Variants in SEC14L1 observed in about 807,000 individuals in gnomAD.
The protein encoded by SEC14L1 is SEC14 like lipid binding 1, also known as SEC14-like protein 1.
Under a neutral mutation model 85.3 loss-of-function variants are expected in SEC14L1, and 48 were observed. That is an observed-to-expected ratio of 0.56 (90% CI 0.45 to 0.72). The LOEUF is 0.72. Among genes scored for constraint, SEC14L1 ranks in the 30% least tolerant of loss-of-function variants. The probability of loss-of-function intolerance (pLI) is 0.00; values close to 1 mark genes in which losing one functional copy is unlikely to be tolerated. For synonymous variants in SEC14L1, 391 were observed against 355.5 expected (o/e 1.10, Z -1.12); for missense variants, 682 against 921.4 (o/e 0.74, Z 3.36).
chr17:77,166,602 G>A (rs1439075225), intron 3 of SEC14L1, among the ~76,000 whole-genome samples: 1 of 152,332 alleles, frequency 6.6e-6, no homozygotes. Flanking sequence ...CACTTTGGGA[G>A]GCTGAGGCAG....
chr17:77,139,041 A>G (rs1206570465), upstream of SEC14L1, among the ~76,000 whole-genome samples: 2 of 151,870 alleles, frequency 1.3e-5, no homozygotes. Flanking sequence ...TTTGTCTTGT[A>G]CCGTTTCCCA....
At position 77,123,414 on chromosome 17, in the gene SEC14L1, C is replaced by CTTTTTTTTTTTTT. The variant is rs71280842; in HGVS notation, c.-135-19229_-135-19217dup. Among the ~76,000 whole-genome samples the CTTTTTTTTTTTTT allele has an allele frequency of 5.6e-3, 453 of 80,392 alleles. 50 individuals carry two copies. Among genetic ancestry groups the CTTTTTTTTTTTTT allele is most frequent in the African/African-American group, 0.011 (189 of 16,476 alleles). The allele number at this position is 80,392 out of a possible 152,430, so 52.7% of individuals were successfully genotyped here. A position where few individuals can be genotyped will look rare whatever the true frequency, so the allele number is the denominator to read the frequency against. On this transcript the variant is annotated intron_variant, in intron 3 of 19. Transcript: ENST00000392476. ...CCCTGAAGTGGGTCCCAGGCCCACT[C>CTTTTTTTTTTTTT]TTTTTTTTTTTTTTTGAGACAGAGC...
At chr17:77,157,485 T>C (rs1369027521) in intron 3 of SEC14L1, among the ~76,000 whole-genome samples, 1 of 152,138 alleles carries the variant, frequency 6.6e-6, no homozygotes, top group Non-Finnish European at 1.5e-5. Context: ...CATTTGAATT[T>C]GTAGTACATG....
intron 3 of SEC14L1, among the ~76,000 whole-genome samples, chr17:77,131,981 C>T (rs982652617): frequency 6.6e-6 from 1 of 152,098 alleles, no homozygotes; most frequent in African/African-American, 2.4e-5. Flanking sequence ...CTTCTTGGCC[C>T]GAAGTTTTCC....
At chr17:77,168,923 G>A (rs991691994) in intron 3 of SEC14L1, among the ~76,000 whole-genome samples, 6 of 151,270 alleles carry the variant, frequency 4.0e-5, no homozygotes, top group East Asian at 1.9e-4. Context: ...ATTTGGTTTC[G>A]GGGTTTAAAT....
intron 3 of SEC14L1, among the ~76,000 whole-genome samples, chr17:77,110,620 C>T (rs1826014093): frequency 6.6e-6 from 1 of 151,756 alleles, no homozygotes; most frequent in Admixed American, 6.6e-5. Flanking sequence ...GTGGCTCATG[C>T]CTATAATCCC....
intron 3 of SEC14L1, among the ~76,000 whole-genome samples, chr17:77,123,414 C>CTTTTTTTTTTTTTTTTT (rs71280842): frequency 1.2e-5 from 1 of 80,514 alleles, no homozygotes; most frequent in Non-Finnish European, 2.2e-5. Flanking sequence ...CAGGCCCACT[C>CTTTTTTTTTTTTTTTTT]TTTTTTTTTT....
chr17:77,116,106 G>A lies in SEC14L1; in HGVS notation c.-136+22759G>A, dbSNP rs534310215. Among the ~76,000 whole-genome samples, 19 of 152,190 alleles carry A rather than the reference G, an allele frequency of 1.2e-4. No individual in the cohort carries two copies. The South Asian group carries it at 3.9e-3, about 32-fold the overall frequency. ...GCGAATTTTTATTTTTATTTGTAGA[G>A]ATGGGGTCTCACTATGTTGCCCAGG... is the stretch of plus-strand genomic sequence containing the variant. On this transcript the variant is annotated intron_variant, in intron 3 of 19. Coordinates refer to the SEC14L1 transcript ENST00000392476.
rs1976454059 is a variant in SEC14L1, at chr17:77,206,179, T to C, written c.1170-50T>C. The C allele has an allele frequency of 1.9e-6, 3 of 1,564,580 alleles. No homozygotes were observed. The highest frequency in any genetic ancestry group is 2.6e-6 in the Non-Finnish European group (3 of 1,144,466). ...AAAAGGAAGAAAATAAGACACAGTTTGCTAAGTGTGCTGTCTGTTGAATGA... is the reference window on the plus strand; with the variant it reads ...AAAAGGAAGAAAATAAGACACAGTTCGCTAAGTGTGCTGTCTGTTGAATGA... On this transcript the variant is annotated intron_variant, in intron 11 of 16. Coordinates refer to ENST00000436233, the MANE Select transcript of SEC14L1 (RefSeq NM_001143998.2). The surrounding 1 kb of genome is among the most constrained non-coding windows in gnomAD (Gnocchi z 4.3).
intron 3 of SEC14L1, among the ~76,000 whole-genome samples, chr17:77,123,722 C>T (rs879605807): frequency 1.3e-5 from 2 of 152,048 alleles, no homozygotes; most frequent in Admixed American, 6.6e-5. Context: ...CACCCAGGCC[C>T]ACTCTTAAGT....
chr17:77,091,997 A>G (rs767575922), intron 2 of SEC14L1, among the ~76,000 whole-genome samples: 1 of 151,996 alleles, frequency 6.6e-6, no homozygotes, highest in African/African-American at 2.4e-5. Flanking sequence ...TTTTTAGTAG[A>G]GACGGGGTTT....
Position 77,092,090 on chromosome 17 carries a change from T to C in SEC14L1, c.-239-1154T>C, listed in dbSNP as rs948034482. ...TCCCAAAGTGCTGGGATTACAGGCC[T>C]GAGCCACTACACCTGGCCTGTTTAT... On this transcript the variant is annotated intron_variant, in intron 2 of 19. Coordinates refer to the SEC14L1 transcript ENST00000392476. Among the ~76,000 whole-genome samples, 4 of 152,320 alleles carry C rather than the reference T, an allele frequency of 2.6e-5. No individual in the cohort carries two copies. The South Asian group carries it at 8.3e-4, about 32-fold the overall frequency.
intron 3 of SEC14L1, among the ~76,000 whole-genome samples, chr17:77,154,646 TG>T (rs1381418581): frequency 2.0e-5 from 3 of 147,638 alleles, no homozygotes; most frequent in East Asian, 2.0e-4. Context: ...TGTTTTTTTT[TG>T]GTTTTTTTTT....
intron 3 of SEC14L1, among the ~76,000 whole-genome samples, chr17:77,104,564 G>T (rs1971861899): frequency 1.3e-5 from 2 of 150,104 alleles, no homozygotes; most frequent in African/African-American, 4.9e-5. Context: ...GGCCGAGGAG[G>T]GTGGATCACG....
At chr17:77,107,749 G>A (rs1010600387) in intron 3 of SEC14L1, among the ~76,000 whole-genome samples, 2 of 152,130 alleles carry the variant, frequency 1.3e-5, no homozygotes, top group Admixed American at 6.6e-5. Context: ...CCACAGTGGC[G>A]TTCTAAAGGT....
chr17:77,113,971 G>A (rs778570416), intron 3 of SEC14L1, among the ~76,000 whole-genome samples: 2 of 152,118 alleles, frequency 1.3e-5, no homozygotes, highest in Non-Finnish European at 2.9e-5. Flanking sequence ...GAGATTCAAT[G>A]TCCCCTACCC....
At position 77,206,644 on chromosome 17, in the gene SEC14L1, C is replaced by A; in HGVS notation, c.1342-84C>A. On this transcript the variant is annotated intron_variant, in intron 12 of 16. Coordinates refer to ENST00000436233, the MANE Select transcript of SEC14L1 (RefSeq NM_001143998.2). This position sits in a 1 kb window ranked among gnomAD's most constrained non-coding sequence, Gnocchi z 4.3. The stretch of plus-strand genomic sequence containing the variant: ...CTTGAATGTCTTCCCCCCACCCTCC[C>A]ACTCAGAATACCACATTGTCATTTT... 6.7e-7 allele frequency: 1 copy of A among 1,483,394 alleles called. No homozygotes were observed. Among genetic ancestry groups the A allele is most frequent in the Non-Finnish European group, 9.1e-7 (1 of 1,093,046 alleles). The allele number at this position is 1,483,394 out of a possible 1,614,324, so 91.9% of individuals were successfully genotyped here. A position where few individuals can be genotyped will look rare whatever the true frequency, so the allele number is the denominator to read the frequency against.
rs549607701 is a variant in SEC14L1 at position 77,107,208 on chromosome 17, G to A, written c.-136+13861G>A. On this transcript the variant is annotated intron_variant, in intron 3 of 19. Coordinates refer to the SEC14L1 transcript ENST00000392476. ...AAACAAAAACTCACTTCCACTTCAG[G>A]ACCACTTAGCCCACGCCAGGCTCCG... is the stretch of plus-strand genomic sequence containing the variant. Among the ~76,000 whole-genome samples, 6 of 152,218 alleles carry A rather than the reference G, an allele frequency of 3.9e-5. No individual in the cohort carries two copies. In the East Asian group the frequency reaches 1.2e-3, roughly 29 times the overall value.
Position 77,216,519 on chromosome 17 carries a change from G to GCTTTCT in SEC14L1, c.*2511_*2516dup, listed in dbSNP as rs758062006. ...TCACAAGGGCCTGAAGGTGGTCCCT[G>GCTTTCT]CTTTCTCTTTCTCTTTCTCTGTGTC... is the stretch of plus-strand genomic sequence containing the variant. On this transcript the variant is annotated 3_prime_UTR_variant, in exon 17 of 17. Transcript: ENST00000436233. 12 of 1,613,148 alleles carry GCTTTCT rather than the reference G, an allele frequency of 7.4e-6. No homozygotes were observed. Among genetic ancestry groups the GCTTTCT allele is most frequent in the Admixed American group, 1.7e-5 (1 of 59,958 alleles).
Sources: allele counts gnomAD v4.1 joint callset (sites outside exome capture counted in the v4.1 genomes callset), GRCh38; gene constraint gnomAD v4.1.1; non-coding constraint Gnocchi (gnomAD v3.1); transcripts MANE v1.5; gene names NCBI Gene and HGNC (gene_info 2026-07-23, HGNC 2026-07-21).